Variants in CHST12 observed in about 807,000 individuals in gnomAD.
CHST12 encodes the protein carbohydrate sulfotransferase 12.
Under a neutral mutation model 27.9 loss-of-function variants are expected in CHST12, and 23 were observed. The observed-to-expected ratio is 0.82, with a 90% CI of 0.59 to 1.17. CHST12 has a LOEUF of 1.17. CHST12 is among the 50% of genes most tolerant of loss of function. The probability of loss-of-function intolerance (pLI) is 0.00; values close to 1 mark genes in which losing one functional copy is unlikely to be tolerated. For missense variants in CHST12, 682 were observed against 603.0 expected, an observed-to-expected ratio of 1.13 and a Z score of -1.37; for synonymous variants, 322 against 273.0, an observed-to-expected ratio of 1.18 and a Z score of -1.77.
intron 1 of CHST12, among the ~76,000 whole-genome samples, chr7:2,411,484 TTAA>T (rs1415464420): frequency 1.1e-4 from 13 of 121,714 alleles, no homozygotes; most frequent in South Asian, 5.5e-4. Flanking sequence ...TTGAGTTAAC[TTAA>T]CTCTTTTTTT....
chr7:2,427,368 G>A (rs1362874768), intron 1 of CHST12, among the ~76,000 whole-genome samples: 1 of 152,016 alleles, frequency 6.6e-6, no homozygotes, highest in Non-Finnish European at 1.5e-5. Flanking sequence ...CGGCCCAGTG[G>A]TGTGTATCTG....
chr7:2,420,392 T>C (rs751745443), intron 1 of CHST12, among the ~76,000 whole-genome samples: 1 of 152,216 alleles, frequency 6.6e-6, no homozygotes, highest in African/African-American at 2.4e-5. Context: ...TTCTACTACA[T>C]GGGTTGACCA....
chr7:2,418,517 G>T (rs932891946), intron 1 of CHST12, among the ~76,000 whole-genome samples: 1 of 152,174 alleles, frequency 6.6e-6, no homozygotes, highest in Non-Finnish European at 1.5e-5. Flanking sequence ...AATCACAGGG[G>T]GCTTTTTGTT....
intron 1 of CHST12, among the ~76,000 whole-genome samples, chr7:2,412,700 A>G (rs1030318762): frequency 6.6e-6 from 1 of 152,186 alleles, no homozygotes. Flanking sequence ...GCTCTCCAAC[A>G]ACAGCCTGAG....
chr7:2,407,465 T>C (rs1245856379), intron 1 of CHST12, among the ~76,000 whole-genome samples: 1 of 151,620 alleles, frequency 6.6e-6, no homozygotes. Flanking sequence ...TAAAATAAAA[T>C]ACATTTTAAA....
At chr7:2,417,580 G>C (rs1351367527) in intron 1 of CHST12, among the ~76,000 whole-genome samples, 1 of 152,054 alleles carries the variant, frequency 6.6e-6, no homozygotes, top group South Asian at 2.1e-4. Context: ...AGTAGAGACA[G>C]GGTTTTACCA....
At chr7:2,424,751 C>T (rs749620667) in intron 1 of CHST12, among the ~76,000 whole-genome samples, 1 of 152,216 alleles carries the variant, frequency 6.6e-6, no homozygotes, top group African/African-American at 2.4e-5. Context: ...GACAGCCCTT[C>T]AGGAGTTTGA....
chr7:2,432,725 C>G lies in CHST12; in HGVS notation c.86C>G (p.Ala29Gly). Residue 29 changes from alanine (A) to glycine (G), a missense_variant, in exon 2 of 2, where the codon GCA (alanine) becomes GGA (glycine). Coordinates refer to ENST00000618655, the MANE Select transcript of CHST12 (RefSeq NM_018641.5). ...ILLIIVYWDS[A>G]GAAHFYLHTS... ...CTGATCATCGTGTACTGGGACAGCG[C>G]AGGCGCCGCGCACTTCTACTTGCAC... 1 of 1,613,984 alleles carries G rather than the reference C, an allele frequency of 6.2e-7. No homozygotes were observed. Among genetic ancestry groups the G allele is most frequent in the Non-Finnish European group, 8.5e-7 (1 of 1,179,906 alleles).
At chr7:2,415,757 C>T (rs1364427318) in intron 1 of CHST12, among the ~76,000 whole-genome samples, 1 of 151,940 alleles carries the variant, frequency 6.6e-6, no homozygotes, top group Non-Finnish European at 1.5e-5. Flanking sequence ...GGACTACAGG[C>T]GCCCGCCACC....
chr7:2,425,078 C>T (rs1034581923), intron 1 of CHST12, among the ~76,000 whole-genome samples: 4 of 151,782 alleles, frequency 2.6e-5, no homozygotes, highest in African/African-American at 9.7e-5. Flanking sequence ...TGGTGGCGGG[C>T]GCCTGTAGTC....
intron 1 of CHST12, among the ~76,000 whole-genome samples, chr7:2,415,847 C>T (rs574139711): frequency 6.6e-5 from 10 of 152,130 alleles, no homozygotes; most frequent in Admixed American, 2.6e-4. Flanking sequence ...ATCTCCTGAC[C>T]TTGTGATCCG....
chr7:2,409,390 G>A (rs775956318), intron 1 of CHST12, among the ~76,000 whole-genome samples: 1 of 152,298 alleles, frequency 6.6e-6, no homozygotes, highest in East Asian at 1.9e-4. Flanking sequence ...CGAGGCAGGA[G>A]GATTGCTTGA....
At position 2,433,213 on chromosome 7, in the gene CHST12, C is replaced by T. The variant is rs769411909; in HGVS notation, c.574C>T (p.Arg192Cys). The T allele has an allele frequency of 1.9e-6, 3 of 1,612,522 alleles. No individual in the cohort carries two copies. Among genetic ancestry groups the T allele is most frequent in the East Asian group, 2.2e-5 (1 of 44,842 alleles). Residue 192 changes from arginine to cysteine, a missense_variant, in exon 2 of 2, where the codon CGC (arginine) becomes TGC (cysteine). By Grantham distance (180) the Arg-to-Cys change is radical. Coordinates refer to ENST00000618655, the MANE Select transcript of CHST12 (RefSeq NM_018641.5). The surrounding 1 kb of genome is among the most constrained non-coding windows in gnomAD (Gnocchi z 6.1). The stretch of plus-strand genomic sequence containing the variant: ...CGTGCTGAGCGGAAGCCTGCTGCAC[C>T]GCGGTGCGCCCTACCGCGACCCGCT... ...MIVLSGSLLH[R>C]GAPYRDPLRI...
rs1368539107 is a variant in CHST12 at position 2,432,627 on chromosome 7, C to G, written c.-13C>G. ...TGAGAGGCCCGGAGAGGGCCCAGCC[C>G]GCCCGGGGCAGGATGACCAAGGCCC... On this transcript the variant is annotated 5_prime_UTR_variant, in exon 2 of 2. Transcript: ENST00000618655. 1 of 1,597,504 alleles carries G rather than the reference C, an allele frequency of 6.3e-7. No individual in the cohort carries two copies. Among genetic ancestry groups the G allele is most frequent in the Non-Finnish European group, 8.6e-7 (1 of 1,168,588 alleles).
chr7:2,433,051 G>A lies in CHST12; in HGVS notation c.412G>A (p.Ala138Thr). The A allele has an allele frequency of 6.2e-7, 1 of 1,611,742 alleles. No homozygotes were observed. The highest frequency in any genetic ancestry group is 1.1e-5 in the South Asian group (1 of 91,066). Residue 138 changes from alanine to threonine, a missense_variant, in exon 2 of 2, where the codon GCC (alanine) becomes ACC (threonine). Physicochemically the swap from Ala to Thr is moderately conservative, Grantham distance 58. Coordinates refer to ENST00000618655, the MANE Select transcript of CHST12 (RefSeq NM_018641.5). The surrounding 1 kb of genome is among the most constrained non-coding windows in gnomAD (Gnocchi z 6.1). ...GGGCTTCTGCGCCAACTCCAGCCTG[G>A]CCTTCCCCACCAAGGAGCGCGCATT... The part of the protein sequence containing the change: ...LRGFCANSSL[A>T]FPTKERAFDD...
chr7:2,408,858 T>C (rs6952809), intron 1 of CHST12, among the ~76,000 whole-genome samples: 98,741 of 151,978 alleles, frequency 0.65, 32,344 homozygotes, highest in East Asian at 0.8. Flanking sequence ...CAGGTGCTGG[T>C]GTGAAGAGCA....
rs79743047 is a variant in CHST12, at chr7:2,411,490, C to CTTTTTTTTTTTTTT, written c.-78+7822_-78+7835dup. 9.8e-4 allele frequency among the ~76,000 whole-genome samples: 86 copies of CTTTTTTTTTTTTTT among 87,544 alleles called. 8 individuals are homozygous for CTTTTTTTTTTTTTT. Among genetic ancestry groups the CTTTTTTTTTTTTTT allele is most frequent in the East Asian group, 2.1e-3 (5 of 2,366 alleles). The allele number at this position is 87,544 out of a possible 152,430, so 57.4% of individuals were successfully genotyped here. On this transcript the variant is annotated intron_variant, in intron 1 of 1. Coordinates refer to ENST00000618655, the MANE Select transcript of CHST12 (RefSeq NM_018641.5). The stretch of plus-strand genomic sequence containing the variant: ...ATAATTTCTTTGAGTTAACTTAACT[C>CTTTTTTTTTTTTTT]TTTTTTTTTTTTTTTTTTGAGACGG...
chr7:2,420,409 G>T (rs1781939209), intron 1 of CHST12, among the ~76,000 whole-genome samples: 1 of 152,154 alleles, frequency 6.6e-6, no homozygotes, highest in South Asian at 2.1e-4. Flanking sequence ...ACCACAGTTT[G>T]CTTGTCTGTT....
chr7:2,425,533 T>C (rs1477754063), intron 1 of CHST12, among the ~76,000 whole-genome samples: 1 of 152,182 alleles, frequency 6.6e-6, no homozygotes, highest in Admixed American at 6.5e-5. Flanking sequence ...TGGGGATCCA[T>C]GCCCTGTGGC....
Sources: allele counts gnomAD v4.1 joint callset (sites outside exome capture counted in the v4.1 genomes callset), GRCh38; gene constraint gnomAD v4.1.1; non-coding constraint Gnocchi (gnomAD v3.1); transcripts MANE v1.5; gene names NCBI Gene and HGNC (gene_info 2026-07-23, HGNC 2026-07-21).